The following RYR2 variants were observed in gnomAD, a reference collection of about 807,000 sequenced individuals.
RYR2 encodes the protein ryanodine receptor 2, also known as cardiac muscle ryanodine receptor-calcium release channel.
RYR2 carries 227 observed loss-of-function variants against 601.1 expected under a neutral mutation model. That is an observed-to-expected ratio of 0.38 (90% CI 0.34 to 0.42). The LOEUF (loss-of-function observed/expected upper bound fraction) is 0.42. Ranked by LOEUF, RYR2 falls within the 10% of genes least tolerant of loss-of-function variation. The pLI, the probability that RYR2 is intolerant of heterozygous loss-of-function variation, is 1.00. For synonymous variants in RYR2, 2,223 were observed against 2,175.1 expected, an observed-to-expected ratio of 1.02 and a Z score of -0.61; for missense variants, 4,646 against 6,156.5, an observed-to-expected ratio of 0.75 and a Z score of 8.21.
intron 1 of RYR2, among the ~76,000 whole-genome samples, chr1:237,206,002 G>A (rs75178305): frequency 0.02 from 3,079 of 152,334 alleles, 59 homozygotes; most frequent in Middle Eastern, 0.078. Flanking sequence ...CCTCTTCCAC[G>A]AGGAAATGGC....
At chr1:237,430,796 T>C (rs139100463) in intron 12 of RYR2, among the ~76,000 whole-genome samples, 1 of 152,352 alleles carries the variant, frequency 6.6e-6, no homozygotes, top group African/African-American at 2.4e-5. Context: ...TGATAGAGAT[T>C]GCCCAAAGCA....
chr1:237,816,455 G>A (rs1013438060), intron 100 of RYR2, among the ~76,000 whole-genome samples: 1 of 152,176 alleles, frequency 6.6e-6, no homozygotes, highest in Non-Finnish European at 1.5e-5. Context: ...GGAGGCCGAG[G>A]CGGGCGGATC....
chr1:237,550,420 A>C, intron 26 of RYR2, 124 bp from the exon 27 acceptor site: 3 of 1,009,834 alleles, frequency 3.0e-6, no homozygotes, highest in Non-Finnish European at 4.4e-6. Flanking sequence ...GCCTGGGAAG[A>C]CGCATGGATT....
chr1:237,649,738 T>A lies in RYR2; in HGVS notation c.7513-139T>A, dbSNP rs1455116020. 6 of 666,698 alleles carry A rather than the reference T, an allele frequency of 9.0e-6. No homozygotes were observed. The East Asian group carries it at 1.6e-4, about 18-fold the overall frequency. The allele number at this position is 666,698 out of a possible 1,614,324, so 41.3% of individuals were successfully genotyped here. On this transcript the variant is annotated intron_variant, in intron 49 of 104. Coordinates refer to ENST00000366574, the MANE Select transcript of RYR2 (RefSeq NM_001035.3). ...ATCATATGAACCCGACACTTAAAGATGTAACTAAAGAATACATTTCCATGT... is the reference window on the plus strand; with the variant it reads ...ATCATATGAACCCGACACTTAAAGAAGTAACTAAAGAATACATTTCCATGT...
intron 87 of RYR2, among the ~76,000 whole-genome samples, chr1:237,774,210 T>C (rs1324291814): frequency 6.6e-6 from 1 of 152,222 alleles, no homozygotes; most frequent in Admixed American, 6.5e-5. Flanking sequence ...CTTTGCTTGA[T>C]GACCAGTCAT....
At chr1:237,439,692 T>A (rs1425207005) in intron 12 of RYR2, among the ~76,000 whole-genome samples, 1 of 151,992 alleles carries the variant, frequency 6.6e-6, no homozygotes, top group African/African-American at 2.4e-5. Flanking sequence ...AATCTTCTAA[T>A]CCAGAGACGG....
Position 237,070,537 on chromosome 1 carries a change from G to C in RYR2, c.48+27968G>C, listed in dbSNP as rs140684105. On this transcript the variant is annotated intron_variant, in intron 1 of 104. Coordinates refer to ENST00000366574, the MANE Select transcript of RYR2 (RefSeq NM_001035.3). ...TTCTTTACCAGCTGGAACCTCTGTG[G>C]CCAGTGGTGCCTCTGCTTGGGTTTT... is the stretch of plus-strand genomic sequence containing the variant. 2.2e-4 allele frequency among the ~76,000 whole-genome samples: 34 copies of C among 152,292 alleles called. No homozygotes were observed. In the South Asian group the frequency reaches 2.3e-3, roughly 10 times the overall value.
At chr1:237,609,505 G>C (rs1255695664) in intron 35 of RYR2, among the ~76,000 whole-genome samples, 1 of 152,024 alleles carries the variant, frequency 6.6e-6, no homozygotes, top group Admixed American at 6.6e-5. Context: ...GAGTATTTGG[G>C]ACTACAGGAA....
At chr1:237,668,579 C>G (rs1483479871) in intron 58 of RYR2, among the ~76,000 whole-genome samples, 1 of 152,204 alleles carries the variant, frequency 6.6e-6, no homozygotes, top group Non-Finnish European at 1.5e-5. Flanking sequence ...TAATGACTTC[C>G]TATATGGTTT....
intron 71 of RYR2, 143 bp downstream of exon 71, chr1:237,711,980 G>T (rs1688879601): frequency 4.9e-6 from 3 of 606,930 alleles, no homozygotes; most frequent in African/African-American, 1.9e-5. Context: ...AAATATGCAA[G>T]CTGTTTTAAG....
intron 23 of RYR2, among the ~76,000 whole-genome samples, 198 bp downstream of exon 23, chr1:237,507,012 G>A (rs1665337084): frequency 6.6e-6 from 1 of 152,160 alleles, no homozygotes; most frequent in Admixed American, 6.5e-5. Flanking sequence ...TTATTGGCAG[G>A]TTCACTGAAG....
intron 12 of RYR2, among the ~76,000 whole-genome samples, chr1:237,427,918 G>A (rs143369196): frequency 4.0e-5 from 6 of 149,798 alleles, no homozygotes; most frequent in Middle Eastern, 3.4e-3. Flanking sequence ...GATAGTATTC[G>A]TAAAACAATA....
intron 1 of RYR2, among the ~76,000 whole-genome samples, chr1:237,261,326 C>T (rs1421993995): frequency 1.3e-5 from 2 of 152,214 alleles, no homozygotes; most frequent in Admixed American, 1.3e-4. Flanking sequence ...AGTGGCTGCC[C>T]ATTTCCCCCA....
In RYR2 at chr1:237,071,826, C is replaced by T. The variant is rs548190240; in HGVS notation, c.48+29257C>T. ...CCGAGCTGCTCTCAGCCCCACCCGG[C>T]TCCAGCCTTTCTCCCTGAGCTTGAA... On this transcript the variant is annotated intron_variant, in intron 1 of 104. Coordinates refer to ENST00000366574, the MANE Select transcript of RYR2 (RefSeq NM_001035.3). Among the ~76,000 whole-genome samples, 4 of 152,362 alleles carry T rather than the reference C, an allele frequency of 2.6e-5. No homozygotes were observed. The South Asian group carries it at 6.2e-4, about 24-fold the overall frequency.
chr1:237,634,973 G>C lies in RYR2; in HGVS notation c.6773G>C (p.Arg2258Pro), dbSNP rs779289104. The change falls in exon 44 of 105, where the codon CGT (arginine) becomes CCT (proline). Residue 2258 changes from arginine to proline, a missense_variant. Physicochemically the swap from Arg to Pro is moderately radical, Grantham distance 103. Around this residue, in one of 17 missense-constraint regions of RYR2, gnomAD observed 137 missense variants for 273.6 expected, o/e 0.50. Transcript: ENST00000366574. ...MDNNELALAL[R>P]EPDLEKVVRY... ...AATAATGAACTAGCATTAGCTCTGC[G>C]TGAGCCGGATCTAGAAAAGGTGAGC... is the stretch of plus-strand genomic sequence containing the variant. 1.3e-6 allele frequency: 2 copies of C among 1,599,362 alleles called. No individual in the cohort carries two copies. Among genetic ancestry groups the C allele is most frequent in the Non-Finnish European group, 1.7e-6 (2 of 1,172,302 alleles).
intron 101 of RYR2, among the ~76,000 whole-genome samples, chr1:237,823,728 C>T (rs552185004): frequency 8.7e-4 from 132 of 152,188 alleles, no homozygotes; most frequent in African/African-American, 3.1e-3. Flanking sequence ...TCAAAAAAAT[C>T]AGTGAATCCA....
chr1:237,580,733 G>A (rs576166963), intron 29 of RYR2, among the ~76,000 whole-genome samples: 4 of 152,112 alleles, frequency 2.6e-5, no homozygotes, highest in Admixed American at 6.6e-5. Flanking sequence ...GGGTAATTCA[G>A]GTTAAATGAG....
At chr1:237,136,567 T>G (rs1401805858) in intron 1 of RYR2, among the ~76,000 whole-genome samples, 1 of 152,180 alleles carries the variant, frequency 6.6e-6, no homozygotes, top group African/African-American at 2.4e-5. Flanking sequence ...TGGTTTAGAA[T>G]GCATGTTGAA....
intron 68 of RYR2, 82 bp downstream of exon 68, chr1:237,707,351 C>A: frequency 3.0e-6 from 2 of 677,234 alleles, no homozygotes; most frequent in South Asian, 4.9e-5. Flanking sequence ...TAGAATTTTC[C>A]CATCACAATT....
Sources: gnomAD v4.1 joint callset for allele counts (sites outside exome capture counted in the v4.1 genomes callset) on GRCh38, gnomAD v4.1.1 for gene constraint, gnomAD v4.1.1 regional missense constraint, MANE v1.5 for transcripts, NCBI Gene and HGNC (gene_info 2026-07-23, HGNC 2026-07-21) for gene names.